CYP7B1: variants seen among roughly 807,000 people sequenced by gnomAD.
The protein encoded by CYP7B1 is cytochrome P450 7B1.
In CYP7B1, 29 loss-of-function variants were observed where a neutral mutation model predicts 42.7. The ratio of observed to expected loss-of-function variants is 0.68; its 90% CI spans 0.51 to 0.93. The LOEUF (loss-of-function observed/expected upper bound fraction) is 0.93, where lower values mean the gene tolerates loss of function less well. Among genes scored for constraint, CYP7B1 ranks in the 40% least tolerant of loss-of-function variants. The probability of loss-of-function intolerance (pLI) is 0.00; values close to 1 mark genes in which losing one functional copy is unlikely to be tolerated. For synonymous variants in CYP7B1, 235 were observed against 218.2 expected, an observed-to-expected ratio of 1.08 and a Z score of -0.68; for missense variants, 655 against 600.5, an observed-to-expected ratio of 1.09 and a Z score of -0.95.
chr8:64,646,295 A>C (rs1030441421), intron 1 of CYP7B1, among the ~76,000 whole-genome samples: 2 of 152,024 alleles, frequency 1.3e-5, no homozygotes, highest in African/African-American at 4.8e-5. Flanking sequence ...TTCGCAACCT[A>C]CTCATCTGAC....
At chr8:64,611,447 AATTATC>A (rs1025734474) in intron 4 of CYP7B1, among the ~76,000 whole-genome samples, 7 of 152,082 alleles carry the variant, frequency 4.6e-5, no homozygotes, top group African/African-American at 1.7e-4. Context: ...GATTGCATCT[AATTATC>A]ATTATTATTT....
intron 1 of CYP7B1, among the ~76,000 whole-genome samples, chr8:64,784,156 G>A (rs962647790): frequency 3.3e-5 from 5 of 152,076 alleles, no homozygotes; most frequent in Admixed American, 1.3e-4. Flanking sequence ...GTGCCTCAAA[G>A]GTACTTGCTG....
At chr8:64,645,679 C>A (rs4737196) in intron 1 of CYP7B1, among the ~76,000 whole-genome samples, 97,426 of 151,888 alleles carry the variant, frequency 0.64, 31,421 homozygotes, top group Middle Eastern at 0.68. Flanking sequence ...ACTTTCTTCA[C>A]AGAATTGCAA....
intron 1 of CYP7B1, among the ~76,000 whole-genome samples, chr8:64,733,104 T>C (rs28391816): frequency 0.034 from 5,171 of 152,320 alleles, 167 homozygotes; most frequent in South Asian, 0.15. Flanking sequence ...GTCTCAGGTA[T>C]GTCTTTATTA....
intron 2 of CYP7B1, among the ~76,000 whole-genome samples, chr8:64,622,149 G>C: frequency 6.7e-6 from 1 of 149,022 alleles, no homozygotes; most frequent in South Asian, 2.1e-4. Context: ...TGCATAAAAT[G>C]CATTATTTGC....
In CYP7B1 at chr8:64,785,182, T is replaced by C. The variant is rs372340205; in HGVS notation, c.122+13284A>G. On this transcript the variant is annotated intron_variant, in intron 1 of 5. Coordinates refer to ENST00000310193, the MANE Select transcript of CYP7B1 (RefSeq NM_004820.5). ...ATCACTTCACACCTATTAGTATGGC[T>C]AAAATCCAAAACACTGACACCACCA... Among the ~76,000 whole-genome samples, 8 of 152,306 alleles carry C rather than the reference T, an allele frequency of 5.3e-5. No individual in the cohort carries two copies. The South Asian group carries it at 1.7e-3, about 32-fold the overall frequency.
intron 1 of CYP7B1, among the ~76,000 whole-genome samples, chr8:64,743,126 CAAAAAACAAATAAACA>C (rs897734189): frequency 6.6e-6 from 1 of 151,538 alleles, no homozygotes; most frequent in Non-Finnish European, 1.5e-5. Flanking sequence ...TCAGATTAGC[CAAAAAACAAATAAACA>C]AAAAAACAAA....
In CYP7B1 at chr8:64,705,630, G is replaced by A. The variant is rs893666658; in HGVS notation, c.123-81091C>T. 7.2e-5 allele frequency among the ~76,000 whole-genome samples: 11 copies of A among 151,848 alleles called. No individual in the cohort carries two copies. The East Asian group carries it at 7.7e-4, about 11-fold the overall frequency. On this transcript the variant is annotated intron_variant, in intron 1 of 5. Transcript: ENST00000310193. ...AGTAATAGAATTACTTAGAATTGAC[G>A]GTTTTGCAGTTAAGGTACACTTTTA...
At chr8:64,746,131 G>C (rs1563412938) in intron 1 of CYP7B1, among the ~76,000 whole-genome samples, 1 of 148,966 alleles carries the variant, frequency 6.7e-6, no homozygotes, top group Non-Finnish European at 1.5e-5. Context: ...TCAGAGGTAA[G>C]AAAAAAAAAA....
intron 1 of CYP7B1, among the ~76,000 whole-genome samples, chr8:64,655,953 A>C (rs1002239818): frequency 6.6e-6 from 1 of 152,162 alleles, no homozygotes; most frequent in Non-Finnish European, 1.5e-5. Context: ...GTGGGAGCTA[A>C]AAGTGGGAGA....
intron 1 of CYP7B1, among the ~76,000 whole-genome samples, chr8:64,684,492 ATAAGT>A (rs1444096537): frequency 6.6e-6 from 1 of 152,270 alleles, no homozygotes; most frequent in African/African-American, 2.4e-5. Context: ...AAATAATTAA[ATAAGT>A]TAATAGATTT....
intron 1 of CYP7B1, among the ~76,000 whole-genome samples, chr8:64,704,195 T>C (rs1008822516): frequency 6.6e-6 from 1 of 152,100 alleles, no homozygotes; most frequent in Non-Finnish European, 1.5e-5. Flanking sequence ...CCTCAGATCA[T>C]GACATTAAAT....
At chr8:64,785,010 A>G (rs1053013966) in intron 1 of CYP7B1, among the ~76,000 whole-genome samples, 2 of 152,250 alleles carry the variant, frequency 1.3e-5, no homozygotes, top group African/African-American at 4.8e-5. Context: ...TTACAATTCA[A>G]TGATAAGAAA....
Position 64,670,885 on chromosome 8 carries a change from C to A in CYP7B1, c.123-46346G>T, listed in dbSNP as rs138565635. ...GAATTCCTAGTCTTTTTTTTTTAAA[C>A]CCTGGTGTTAGTATCACTTATTTTA... On this transcript the variant is annotated intron_variant, in intron 1 of 5. Coordinates refer to ENST00000310193, the MANE Select transcript of CYP7B1 (RefSeq NM_004820.5). Among the ~76,000 whole-genome samples, 1,289 of 151,970 alleles carry A rather than the reference C, an allele frequency of 8.5e-3. 31 individuals carry two copies. The highest frequency in any genetic ancestry group is 0.03 in the African/African-American group (1,234 of 41,442).
Position 64,596,480 on chromosome 8 carries a change from G to C in CYP7B1, c.*162C>G. On this transcript the variant is annotated 3_prime_UTR_variant, in exon 6 of 6. Coordinates refer to ENST00000310193, the MANE Select transcript of CYP7B1 (RefSeq NM_004820.5). Reference sequence around the variant, plus strand: ...ACCATCCTGTTTTATATTATGATGGGCTTTGTGACTAAGGACAAACTGGAC... The same window carrying C: ...ACCATCCTGTTTTATATTATGATGGCCTTTGTGACTAAGGACAAACTGGAC... 1.4e-6 allele frequency: 1 copy of C among 695,788 alleles called. No homozygotes were observed. The highest frequency in any genetic ancestry group is 1.8e-5 in the African/African-American group (1 of 55,524). 43.1% of individuals were successfully genotyped at this position (695,788 alleles called of 1,614,324 possible).
intron 1 of CYP7B1, among the ~76,000 whole-genome samples, chr8:64,651,601 T>C (rs1213618620): frequency 6.6e-6 from 1 of 152,200 alleles, no homozygotes; most frequent in Non-Finnish European, 1.5e-5. Flanking sequence ...GTGATGGTAT[T>C]TGGGGGTGAG....
chr8:64,604,939 C>T lies in CYP7B1; in HGVS notation c.1058-82G>A, dbSNP rs563608757. 10 of 1,413,966 alleles carry T rather than the reference C, an allele frequency of 7.1e-6. No homozygotes were observed. The East Asian group carries it at 2.2e-4, about 31-fold the overall frequency. 87.6% of individuals were successfully genotyped at this position (1,413,966 alleles called of 1,614,324 possible). On this transcript the variant is annotated intron_variant, in intron 4 of 5. Coordinates refer to ENST00000310193, the MANE Select transcript of CYP7B1 (RefSeq NM_004820.5). ...TCTCAGTTTGCAATAAAACTCATTA[C>T]TAATAGCCTTGATTGAAAAGGAAAC...
chr8:64,644,228 C>A (rs909229111), intron 1 of CYP7B1, among the ~76,000 whole-genome samples: 1 of 150,738 alleles, frequency 6.6e-6, no homozygotes. Context: ...GCTGAGAGTG[C>A]GCCACTGCAC....
At chr8:64,791,462 T>C (rs1320948967) in intron 1 of CYP7B1, among the ~76,000 whole-genome samples, 1 of 152,074 alleles carries the variant, frequency 6.6e-6, no homozygotes, top group African/African-American at 2.4e-5. Flanking sequence ...AGAGTCCTTA[T>C]AAGAGGGGAG....
Sources: gnomAD v4.1 joint callset for allele counts (sites outside exome capture counted in the v4.1 genomes callset) on GRCh38, gnomAD v4.1.1 for gene constraint, MANE v1.5 for transcripts, NCBI Gene and HGNC (gene_info 2026-07-23, HGNC 2026-07-21) for gene names.